Variants in COLGALT2 observed in about 807,000 individuals in gnomAD.
COLGALT2 encodes procollagen galactosyltransferase 2.
In COLGALT2, 49 loss-of-function variants were observed where a neutral mutation model predicts 73.4. The ratio of observed to expected loss-of-function variants is 0.67; its 90% CI spans 0.53 to 0.85. The LOEUF (loss-of-function observed/expected upper bound fraction) is 0.85. Among genes scored for constraint, COLGALT2 ranks in the 40% least tolerant of loss-of-function variants. The pLI is 0.00. For synonymous variants in COLGALT2, 295 were observed against 307.6 expected, an observed-to-expected ratio of 0.96 and a Z score of 0.43; for missense variants, 722 against 790.2, an observed-to-expected ratio of 0.91 and a Z score of 1.03.
At chr1:183,955,229 T>A (rs953096587) in intron 6 of COLGALT2, among the ~76,000 whole-genome samples, 1 of 152,174 alleles carries the variant, frequency 6.6e-6, no homozygotes, top group South Asian at 2.1e-4. Flanking sequence ...ATTGGGATAA[T>A]AGAAGTGTAT....
chr1:183,935,320 A>T (rs943976940), downstream of COLGALT2, among the ~76,000 whole-genome samples: 1 of 152,098 alleles, frequency 6.6e-6, no homozygotes, highest in African/African-American at 2.4e-5. Flanking sequence ...GACCTTACCT[A>T]CTTCTCTGAG....
At chr1:183,942,439 A>G (rs1407936676) in intron 10 of COLGALT2, among the ~76,000 whole-genome samples, 1 of 152,166 alleles carries the variant, frequency 6.6e-6, no homozygotes, top group Non-Finnish European at 1.5e-5. Context: ...AAAATGTATT[A>G]AAACTAATTT....
rs780258902 is a variant in COLGALT2, at chr1:184,031,974, G to A, written c.263+5121C>T. ...CACAGTGGCTCAATCTCGGCTTGCTGCAACCTCCACCTCCTAGGTTCAAGC... is the reference window on the plus strand; with the variant it reads ...CACAGTGGCTCAATCTCGGCTTGCTACAACCTCCACCTCCTAGGTTCAAGC... On this transcript the variant is annotated intron_variant, in intron 1 of 11. Transcript: ENST00000361927. Among the ~76,000 whole-genome samples the A allele has an allele frequency of 3.3e-5, 5 of 150,852 alleles. No individual in the cohort carries two copies. In the South Asian group the frequency reaches 1.1e-3, roughly 32 times the overall value.
chr1:184,033,806 C>G (rs1649586590), intron 1 of COLGALT2, among the ~76,000 whole-genome samples: 1 of 152,180 alleles, frequency 6.6e-6, no homozygotes, highest in South Asian at 2.1e-4. Flanking sequence ...AGATGCTCCT[C>G]TAGCCTGTGA....
At chr1:184,020,864 G>T (rs922172353) in intron 1 of COLGALT2, among the ~76,000 whole-genome samples, 3 of 152,116 alleles carry the variant, frequency 2.0e-5, no homozygotes, top group Admixed American at 6.5e-5. Flanking sequence ...TCATGAGGTT[G>T]TACTTAGATG....
chr1:183,941,426 G>A (rs1368635444), intron 10 of COLGALT2, among the ~76,000 whole-genome samples: 1 of 152,138 alleles, frequency 6.6e-6, no homozygotes, highest in East Asian at 1.9e-4. Context: ...GGCCCCCCAG[G>A]CACCTTCCGT....
At chr1:184,011,307 C>A (rs1648761580) in intron 1 of COLGALT2, among the ~76,000 whole-genome samples, 1 of 152,162 alleles carries the variant, frequency 6.6e-6, no homozygotes, top group Non-Finnish European at 1.5e-5. Flanking sequence ...GGAATTGGGA[C>A]CAGTAAAGCT....
chr1:183,940,927 A>G, intron 10 of COLGALT2, 140 bp from the exon 11 acceptor site: 2 of 767,882 alleles, frequency 2.6e-6, no homozygotes, highest in Middle Eastern at 3.7e-4. Context: ...ATCACATCCA[A>G]AAGTGGATCC....
At chr1:183,930,186 G>A in exon 12 of COLGALT2, 2 of 456,080 alleles carry the variant, frequency 4.4e-6, no homozygotes, top group Non-Finnish European at 8.8e-6. Flanking sequence ...GACCACCTCT[G>A]CCACAGAGGG....
At chr1:184,034,531 G>GT (rs201235311) in intron 1 of COLGALT2, among the ~76,000 whole-genome samples, 64 of 142,862 alleles carry the variant, frequency 4.5e-4, no homozygotes, top group Non-Finnish European at 7.3e-4. Context: ...ATATTTATCT[G>GT]TAAAAAAACA....
chr1:183,979,027 C>T (rs1339611680), intron 1 of COLGALT2, among the ~76,000 whole-genome samples: 1 of 152,094 alleles, frequency 6.6e-6, no homozygotes, highest in African/African-American at 2.4e-5. Flanking sequence ...TGTGAAGCTA[C>T]AATAATAATT....
intron 6 of COLGALT2, among the ~76,000 whole-genome samples, chr1:183,961,592 C>G (rs1670703128): frequency 6.6e-6 from 1 of 152,218 alleles, no homozygotes; most frequent in Non-Finnish European, 1.5e-5. Flanking sequence ...CAAAATCACT[C>G]TATAGATGAA....
intron 6 of COLGALT2, among the ~76,000 whole-genome samples, chr1:183,959,971 A>G (rs1007855234): frequency 4.6e-5 from 7 of 152,072 alleles, no homozygotes; most frequent in African/African-American, 1.7e-4. Flanking sequence ...AAATATTCAT[A>G]TGGCTGCTTC....
chr1:183,951,834 C>G (rs540991340), intron 7 of COLGALT2, among the ~76,000 whole-genome samples: 324 of 152,080 alleles, frequency 2.1e-3, no homozygotes, highest in Non-Finnish European at 3.6e-3. Context: ...TTCATAGAAC[C>G]AGAAAAAAAT....
chr1:183,998,734 A>C (rs922945548), intron 1 of COLGALT2, among the ~76,000 whole-genome samples: 1 of 151,932 alleles, frequency 6.6e-6, no homozygotes, highest in Non-Finnish European at 1.5e-5. Flanking sequence ...GGCCTTCCTT[A>C]ATGTTTTTAA....
At chr1:184,034,538 AAC>A (rs2102865019) in intron 1 of COLGALT2, among the ~76,000 whole-genome samples, 1 of 152,152 alleles carries the variant, frequency 6.6e-6, no homozygotes, top group African/African-American at 2.4e-5. Flanking sequence ...TCTGTAAAAA[AAC>A]ACACATATCT....
chr1:184,012,019 T>C (rs571128671), intron 1 of COLGALT2, among the ~76,000 whole-genome samples: 2 of 152,348 alleles, frequency 1.3e-5, no homozygotes, highest in South Asian at 4.1e-4. Context: ...TCTTTGTCCT[T>C]TCTCATGCCT....
In COLGALT2 at chr1:183,975,291, C is replaced by T. The variant is rs1260540163; in HGVS notation, c.375-77G>A. 3 of 781,660 alleles carry T rather than the reference C, an allele frequency of 3.8e-6. No homozygotes were observed. In the African/African-American group the frequency reaches 5.2e-5, roughly 14 times the overall value. 48.4% of individuals were successfully genotyped at this position (781,660 alleles called of 1,614,324 possible). On this transcript the variant is annotated intron_variant, in intron 2 of 11. Coordinates refer to ENST00000361927, the MANE Select transcript of COLGALT2 (RefSeq NM_015101.4). ...TCTGTCCTAAATGTTTATATGTATT[C>T]ATTTAATCTTCTATCAATCCCAGGA...
chr1:184,036,232 C>T (rs780945015), intron 1 of COLGALT2, among the ~76,000 whole-genome samples: 4 of 152,214 alleles, frequency 2.6e-5, no homozygotes, highest in South Asian at 4.1e-4. Context: ...TTCTCGCCCT[C>T]GGATCCTCGC....
Sources: gnomAD v4.1 joint callset for allele counts (sites outside exome capture counted in the v4.1 genomes callset) on GRCh38, gnomAD v4.1.1 for gene constraint, MANE v1.5 for transcripts, NCBI Gene and HGNC (gene_info 2026-07-23, HGNC 2026-07-21) for gene names.